SLC26A5: variants seen among roughly 807,000 people sequenced by gnomAD.
The protein encoded by SLC26A5 is solute carrier family 26 member 5, also known as prestin.
Under a neutral mutation model 81.0 loss-of-function variants are expected in SLC26A5, and 51 were observed. The observed-to-expected ratio is 0.63, with a 90% CI of 0.50 to 0.80. SLC26A5 has a LOEUF of 0.80. Among genes scored for constraint, SLC26A5 ranks in the 30% least tolerant of loss-of-function variants. The probability of loss-of-function intolerance (pLI) is 0.00; values close to 1 mark genes in which losing one functional copy is unlikely to be tolerated. For synonymous variants in SLC26A5, 325 were observed against 332.8 expected, an observed-to-expected ratio of 0.98 and a Z score of 0.25; for missense variants, 771 against 905.8, an observed-to-expected ratio of 0.85 and a Z score of 1.91.
chr7:103,388,775 A>G (rs1325935796), intron 14 of SLC26A5: 1 of 459,768 alleles, frequency 2.2e-6, no homozygotes, highest in African/African-American at 2.0e-5. Context: ...ATAACCATTG[A>G]TGGGAGCATA....
chr7:103,421,070 G>A (rs1825307260), intron 3 of SLC26A5, among the ~76,000 whole-genome samples, 193 bp from the exon 4 acceptor site: 1 of 152,130 alleles, frequency 6.6e-6, no homozygotes, highest in Non-Finnish European at 1.5e-5. Context: ...ATATTCCTGG[G>A]AGACAAAAGA....
At position 103,367,200 on chromosome 7, in the gene SLC26A5, A is replaced by G. The variant is rs1222895038; in HGVS notation, c.2041+9608T>C. On this transcript the variant is annotated intron_variant, in intron 19 of 19. Transcript: ENST00000339444. The surrounding 1 kb of genome is among the most constrained non-coding windows in gnomAD (Gnocchi z 6.1). The stretch of plus-strand genomic sequence containing the variant: ...CCCCATAGGCAGTTTAAAAAACGTT[A>G]AGTAAATCTGTGATGAATACTTTTG... Among the ~76,000 whole-genome samples, 3 of 152,154 alleles carry G rather than the reference A, an allele frequency of 2.0e-5. No homozygotes were observed. The highest frequency in any genetic ancestry group is 7.2e-5 in the African/African-American group (3 of 41,406).
At position 103,442,171 on chromosome 7, in the gene SLC26A5, C is replaced by T. The variant is rs564193696; in HGVS notation, c.-54+912G>A. On this transcript the variant is annotated intron_variant, in intron 2 of 19. Coordinates refer to ENST00000306312, the MANE Select transcript of SLC26A5 (RefSeq NM_198999.3). The stretch of plus-strand genomic sequence containing the variant: ...TTTAATTTTCTTTGAGACTGAGTCT[C>T]GCTCTTGTTGCCCAGGCTGGAGTAT... Among the ~76,000 whole-genome samples, 7 of 152,122 alleles carry T rather than the reference C, an allele frequency of 4.6e-5. No individual in the cohort carries two copies. The East Asian group carries it at 5.8e-4, about 13-fold the overall frequency.
chr7:103,428,633 G>A (rs1447069861), intron 2 of SLC26A5, among the ~76,000 whole-genome samples: 6 of 148,782 alleles, frequency 4.0e-5, no homozygotes, highest in African/African-American at 1.5e-4. Context: ...CACCATCTTG[G>A]CTCACTGCAA....
intron 2 of SLC26A5, among the ~76,000 whole-genome samples, chr7:103,426,350 G>A (rs1825710049): frequency 6.6e-6 from 1 of 152,190 alleles, no homozygotes; most frequent in Non-Finnish European, 1.5e-5. Flanking sequence ...TGCACTATCT[G>A]TAGGGTTGCC....
chr7:103,410,594 G>A (rs981764040), intron 6 of SLC26A5, 45 bp from the exon 7 acceptor site: 1 of 1,535,644 alleles, frequency 6.5e-7, no homozygotes, highest in African/African-American at 1.4e-5. Flanking sequence ...CACATGATAG[G>A]TCAGGAAGTT....
At chr7:103,399,109 T>C (rs1823378406) in intron 8 of SLC26A5, among the ~76,000 whole-genome samples, 1 of 152,110 alleles carries the variant, frequency 6.6e-6, no homozygotes, top group African/African-American at 2.4e-5. Context: ...ATTTTTATAA[T>C]AAAAAATAAA....
chr7:103,382,909 T>C (rs1321005457), intron 14 of SLC26A5, among the ~76,000 whole-genome samples: 1 of 152,194 alleles, frequency 6.6e-6, no homozygotes, highest in Non-Finnish European at 1.5e-5. Context: ...AGGTCTTTGA[T>C]TTGACATTCC....
chr7:103,433,230 T>G (rs554887626), intron 2 of SLC26A5, among the ~76,000 whole-genome samples: 217 of 152,338 alleles, frequency 1.4e-3, no homozygotes, highest in African/African-American at 5.1e-3. Flanking sequence ...GGGTCTATAT[T>G]CCACAGAAAA....
intron 8 of SLC26A5, among the ~76,000 whole-genome samples, chr7:103,402,384 C>T (rs930111864): frequency 7.5e-5 from 11 of 146,174 alleles, no homozygotes; most frequent in East Asian, 2.0e-4. Flanking sequence ...GTAGTTTGTA[C>T]GTATTGCTCT....
At chr7:103,377,489 AG>A in intron 18 of SLC26A5, 109 bp downstream of exon 18, 1 of 1,028,972 alleles carries the variant, frequency 9.7e-7, no homozygotes, top group East Asian at 2.5e-5. Context: ...CATAATCAAA[AG>A]GGGATAAATC....
At chr7:103,434,096 T>C (rs1014916848) in intron 2 of SLC26A5, among the ~76,000 whole-genome samples, 9 of 152,184 alleles carry the variant, frequency 5.9e-5, no homozygotes, top group African/African-American at 2.2e-4. Context: ...ATTCCACAGC[T>C]TCCTCCTCCT....
chr7:103,357,240 C>T (rs552423280), intron 19 of SLC26A5, among the ~76,000 whole-genome samples: 33 of 151,236 alleles, frequency 2.2e-4, no homozygotes, highest in East Asian at 7.8e-4. Context: ...GCAGGAGAAT[C>T]GCTTGAACCT....
chr7:103,376,662 A>C lies in SLC26A5; in HGVS notation c.2041+146T>G. The C allele has an allele frequency of 6.2e-6, 4 of 641,838 alleles. No homozygotes were observed. In the East Asian group the frequency reaches 1.2e-4, roughly 19 times the overall value. 39.8% of individuals were successfully genotyped at this position (641,838 alleles called of 1,614,324 possible). On this transcript the variant is annotated intron_variant, in intron 19 of 19. Transcript: ENST00000306312. ...GAATGCCTCCATGTGGCTAATTTCA[A>C]AGCTGGCTTTAGAGTGATTTTTCAG...
chr7:103,394,991 G>A (rs1172764959), intron 9 of SLC26A5, among the ~76,000 whole-genome samples: 1 of 152,212 alleles, frequency 6.6e-6, no homozygotes, highest in African/African-American at 2.4e-5. Context: ...ACCTGTTCCA[G>A]TGACTCCAGA....
chr7:103,411,283 T>C lies in SLC26A5; in HGVS notation c.570+137A>G, dbSNP rs376851924. ...AGTTGTGAATATGGCATGCAGTTGGTCTGCAGTTACTCCCAGAGCTCTGGG... is the reference window on the plus strand; with the variant it reads ...AGTTGTGAATATGGCATGCAGTTGGCCTGCAGTTACTCCCAGAGCTCTGGG... On this transcript the variant is annotated intron_variant, in intron 6 of 19. Transcript: ENST00000306312. The C allele has an allele frequency of 4.7e-5, 42 of 893,990 alleles. 1 individual carries two copies. In the African/African-American group the frequency reaches 6.7e-4, roughly 14 times the overall value. 55.4% of individuals were successfully genotyped at this position (893,990 alleles called of 1,614,324 possible). A position where few individuals can be genotyped will look rare whatever the true frequency, so the allele number is the denominator to read the frequency against.
At chr7:103,353,131 G>A (rs933937448) in intron 19 of SLC26A5, among the ~76,000 whole-genome samples, 6 of 151,866 alleles carry the variant, frequency 4.0e-5, no homozygotes, top group South Asian at 2.1e-4. Context: ...GATAACCACC[G>A]TAGAACACCA....
At chr7:103,405,660 G>C (rs542100979) in intron 8 of SLC26A5, among the ~76,000 whole-genome samples, 40 of 152,298 alleles carry the variant, frequency 2.6e-4, no homozygotes, top group African/African-American at 8.9e-4. Flanking sequence ...AGTTACGGGG[G>C]TCCCACTTGA....
At chr7:103,424,101 C>A (rs189866120) in intron 2 of SLC26A5, among the ~76,000 whole-genome samples, 1 of 152,166 alleles carries the variant, frequency 6.6e-6, no homozygotes, top group Admixed American at 6.5e-5. Context: ...ACATACCATG[C>A]TGCTTTAAGC....
Sources: gnomAD v4.1 joint callset for allele counts (sites outside exome capture counted in the v4.1 genomes callset) on GRCh38, gnomAD v4.1.1 for gene constraint, Gnocchi (gnomAD v3.1) non-coding constraint, MANE v1.5 for transcripts, NCBI Gene and HGNC (gene_info 2026-07-23, HGNC 2026-07-21) for gene names.